KCNA6: variants seen among roughly 807,000 people sequenced by gnomAD.
The protein encoded by KCNA6 is human brain potassium channel-2.
In KCNA6, 17 loss-of-function variants were observed where a neutral mutation model predicts 29.5. That is an observed-to-expected ratio of 0.58 (90% CI 0.39 to 0.86). The LOEUF is 0.86. Ranked by LOEUF, KCNA6 falls within the 40% of genes least tolerant of loss-of-function variation. KCNA6 has a pLI of 0.00. For missense variants in KCNA6, 450 were observed against 703.4 expected (o/e 0.64, Z 4.07); for synonymous variants, 296 against 304.7 (o/e 0.97, Z 0.30).
the KCNA6 span, among the ~76,000 whole-genome samples, chr12:4,819,037 C>CA: frequency 1.3e-5 from 2 of 152,128 alleles, no homozygotes; most frequent in Non-Finnish European, 2.9e-5. Flanking sequence ...CATGTATACA[C>CA]ACGTATATGC....
At chr12:4,818,395 A>T (rs1432437871), downstream of KCNA6, among the ~76,000 whole-genome samples, 1 of 152,216 alleles carries the variant, frequency 6.6e-6, no homozygotes, top group African/African-American at 2.4e-5. Flanking sequence ...ACATGGGGCA[A>T]GTTATGAAAC....
chr12:4,845,260 C>T, the KCNA6 span, among the ~76,000 whole-genome samples: 406 of 152,290 alleles, frequency 2.7e-3, 2 homozygotes, highest in African/African-American at 9.4e-3. Context: ...AGCTTTCATG[C>T]CTAAAAATGC....
chr12:4,812,675 A>G (rs1175617453), exon 1 of KCNA6: 1 of 167,138 alleles, frequency 6.0e-6, no homozygotes. Context: ...TTCCTCAGGC[A>G]AACTCCAGCT....
chr12:4,821,970 G>A, the KCNA6 span, among the ~76,000 whole-genome samples: 1 of 152,090 alleles, frequency 6.6e-6, no homozygotes, highest in East Asian at 1.9e-4. Flanking sequence ...CTGAATAGCT[G>A]GAATTAGTGC....
chr12:4,822,136 G>A, the KCNA6 span, among the ~76,000 whole-genome samples: 8 of 152,138 alleles, frequency 5.3e-5, no homozygotes, highest in South Asian at 2.1e-4. Flanking sequence ...CGCCCGGCCC[G>A]TCTGTCAGTT....
the KCNA6 span, among the ~76,000 whole-genome samples, chr12:4,839,866 T>C: frequency 1.3e-5 from 2 of 152,236 alleles, no homozygotes; most frequent in Non-Finnish European, 2.9e-5. Flanking sequence ...CACCAAGCAA[T>C]TGGCTTAAGA....
the KCNA6 span, among the ~76,000 whole-genome samples, chr12:4,819,104 A>G: frequency 6.6e-6 from 1 of 152,176 alleles, no homozygotes; most frequent in Non-Finnish European, 1.5e-5. Context: ...TTATACATAT[A>G]CCCACGTATA....
chr12:4,816,729 G>T (rs181357579), downstream of KCNA6, among the ~76,000 whole-genome samples: 4 of 152,070 alleles, frequency 2.6e-5, no homozygotes, highest in Non-Finnish European at 4.4e-5. Context: ...CTCTACAGTC[G>T]TTATTGATGC....
At chr12:4,840,574 C>T in the KCNA6 span, among the ~76,000 whole-genome samples, 1 of 152,214 alleles carries the variant, frequency 6.6e-6, no homozygotes, top group Non-Finnish European at 1.5e-5. Flanking sequence ...GAAAATTTTA[C>T]CAAGCTCAAG....
At chr12:4,831,913 C>G in the KCNA6 span, among the ~76,000 whole-genome samples, 1 of 152,144 alleles carries the variant, frequency 6.6e-6, no homozygotes, top group African/African-American at 2.4e-5. Context: ...TTGTGTTCCT[C>G]CAGTATAAAA....
At chr12:4,809,736 G>C (rs905779093) in exon 1 of KCNA6, 5 of 315,886 alleles carry the variant, frequency 1.6e-5, no homozygotes, top group African/African-American at 1.1e-4. Context: ...CGTCTTTTCG[G>C]GCAGCCAATT....
At chr12:4,835,342 G>C in the KCNA6 span, among the ~76,000 whole-genome samples, 1 of 152,042 alleles carries the variant, frequency 6.6e-6, no homozygotes. Context: ...CACCGTGTTA[G>C]CCAGGATGGT....
In KCNA6 at chr12:4,810,335, C is replaced by T. The variant is rs776859395; in HGVS notation, c.294C>T (p.Tyr98=). 2.6e-5 allele frequency: 42 copies of T among 1,614,196 alleles called. No individual in the cohort carries two copies. Among genetic ancestry groups the T allele is most frequent in the South Asian group, 1.1e-4 (10 of 91,076 alleles). The change falls in exon 1 of 1, where the codon TAC becomes TAT. Residue 98 remains tyrosine (Y), a synonymous_variant. Coordinates refer to ENST00000280684, the Ensembl canonical transcript of KCNA6. The surrounding 1 kb of genome is among the most constrained non-coding windows in gnomAD (Gnocchi z 7.5). The stretch of plus-strand genomic sequence containing the variant: ...GGCCCAGCTTCGACGCCATCCTCTA[C>T]TACTACCAGTCTGGGGGCCGCCTGC...
chr12:4,809,752 C>T lies in KCNA6; in HGVS notation c.-290C>T. On this transcript the variant is annotated 5_prime_UTR_variant, in exon 1 of 1. The change creates a new upstream start codon in the 5' untranslated region. Transcript: ENST00000280684. ...GTCTTTTCGGGCAGCCAATTTCACA[C>T]GCGCCTGTGTGCGGTTCCGGGCATC... is the stretch of plus-strand genomic sequence containing the variant. The T allele has an allele frequency of 2.9e-6, 1 of 347,748 alleles. No homozygotes were observed. The highest frequency in any genetic ancestry group is 5.1e-6 in the Non-Finnish European group (1 of 194,258). 21.5% of individuals were successfully genotyped at this position (347,748 alleles called of 1,614,324 possible).
At chr12:4,818,647 A>G in the KCNA6 span, among the ~76,000 whole-genome samples, 1 of 152,184 alleles carries the variant, frequency 6.6e-6, no homozygotes, top group African/African-American at 2.4e-5. Context: ...GCACACAGTA[A>G]TGTGTGTTTC....
chr12:4,811,665 T>A lies in KCNA6; in HGVS notation c.*34T>A, dbSNP rs757023948. ...GGCAGGGCCTGCAGGAGGGGAGCACTGAGCTAACAGTCTCTTAGGCTTCCT... is the reference window on the plus strand; with the variant it reads ...GGCAGGGCCTGCAGGAGGGGAGCACAGAGCTAACAGTCTCTTAGGCTTCCT... On this transcript the variant is annotated 3_prime_UTR_variant, in exon 1 of 1. Coordinates refer to ENST00000280684, the Ensembl canonical transcript of KCNA6. This position sits in a 1 kb window ranked among gnomAD's most constrained non-coding sequence, Gnocchi z 7.1. 1.3e-6 allele frequency: 2 copies of A among 1,589,658 alleles called. No homozygotes were observed. Among genetic ancestry groups the A allele is most frequent in the Admixed American group, 1.7e-5 (1 of 57,184 alleles).
Position 4,811,829 on chromosome 12 carries a change from T to C in KCNA6, c.*198T>C, listed in dbSNP as rs1946635091. 2 of 619,836 alleles carry C rather than the reference T, an allele frequency of 3.2e-6. No homozygotes were observed. Among genetic ancestry groups the C allele is most frequent in the African/African-American group, 3.7e-5 (2 of 54,182 alleles). The allele number at this position is 619,836 out of a possible 1,614,324, so 38.4% of individuals were successfully genotyped here. ...CTGCAGCATTCAAGGTTAATCCATC[T>C]AAGTGACATTTTTGAAATTCCAGCG... On this transcript the variant is annotated 3_prime_UTR_variant, in exon 1 of 1. Transcript: ENST00000280684. This position sits in a 1 kb window ranked among gnomAD's most constrained non-coding sequence, Gnocchi z 7.1.
In KCNA6 at chr12:4,809,969, G is replaced by A. The variant is rs1260074983; in HGVS notation, c.-73G>A. The A allele has an allele frequency of 6.8e-6, 10 of 1,470,212 alleles. No individual in the cohort carries two copies. The African/African-American group carries it at 1.1e-4, about 17-fold the overall frequency. 91.1% of individuals were successfully genotyped at this position (1,470,212 alleles called of 1,614,324 possible). On this transcript the variant is annotated 5_prime_UTR_variant, in exon 1 of 1. Transcript: ENST00000280684. ...AAAGAGGGCGCAGCCGGGAGCTGGG[G>A]AGCGGGTGCCGCGCTCCAGAGATTG...
At chr12:4,817,974 C>T (rs1357488431), downstream of KCNA6, among the ~76,000 whole-genome samples, 13 of 152,192 alleles carry the variant, frequency 8.5e-5, no homozygotes, top group South Asian at 2.3e-3. Context: ...AGTCTGCTGG[C>T]GCTGCTATTT....
Sources: gnomAD v4.1 joint callset for allele counts (sites outside exome capture counted in the v4.1 genomes callset) on GRCh38, gnomAD v4.1.1 for gene constraint, Gnocchi (gnomAD v3.1) non-coding constraint, MANE v1.5 for transcripts, NCBI Gene and HGNC (gene_info 2026-07-23, HGNC 2026-07-21) for gene names.